APBB2: variants seen among roughly 807,000 people sequenced by gnomAD.
APBB2 encodes the protein amyloid beta precursor protein binding family B member 2.
APBB2 carries 38 observed loss-of-function variants against 82.5 expected under a neutral mutation model. The ratio of observed to expected loss-of-function variants is 0.46; its 90% CI spans 0.36 to 0.60. The LOEUF is 0.60. Among genes scored for constraint, APBB2 ranks in the 20% least tolerant of loss-of-function variants. The probability of loss-of-function intolerance (pLI) is 0.00; values close to 1 mark genes in which losing one functional copy is unlikely to be tolerated. For synonymous variants in APBB2, 341 were observed against 368.2 expected (o/e 0.93, Z 0.85); for missense variants, 772 against 972.3 (o/e 0.79, Z 2.74).
At chr4:41,092,049 A>G (rs562959941) in intron 3 of APBB2, among the ~76,000 whole-genome samples, 1 of 152,216 alleles carries the variant, frequency 6.6e-6, no homozygotes, top group Non-Finnish European at 1.5e-5. Flanking sequence ...ATTCTCTTCT[A>G]TGGTCCAGAT....
chr4:41,139,833 A>G (rs1758593316), intron 2 of APBB2, among the ~76,000 whole-genome samples: 1 of 152,234 alleles, frequency 6.6e-6, no homozygotes, highest in Non-Finnish European at 1.5e-5. Flanking sequence ...TGTAATGGAA[A>G]TACAACTTAT....
chr4:40,982,289 G>A (rs867233211), intron 6 of APBB2, among the ~76,000 whole-genome samples: 382 of 27,438 alleles, frequency 0.014, 44 homozygotes, highest in African/African-American at 0.06. Context: ...AAAGAAGGAA[G>A]GAAGGAAGGA....
Position 40,982,448 on chromosome 4 carries a change from AGAAAGAAT to A in APBB2, c.835+31127_835+31134del, listed in dbSNP as rs746598557. On this transcript the variant is annotated intron_variant, in intron 6 of 17. Coordinates refer to ENST00000508593, the MANE Select transcript of APBB2 (RefSeq NM_004307.2). ...AAGAAAGAAAGAAAGAAAGAAAGAAAGAAAGAATGAATGAATTTGAGACCAGAGACCAG... is the reference window on the plus strand; with the variant it reads ...AAGAAAGAAAGAAAGAAAGAAAGAAAGAATGAATTTGAGACCAGAGACCAG... Among the ~76,000 whole-genome samples the A allele has an allele frequency of 2.7e-3, 351 of 131,196 alleles. 65 individuals carry two copies. In the Middle Eastern group the frequency reaches 0.033, roughly 12 times the overall value. 86.1% of individuals were successfully genotyped at this position (131,196 alleles called of 152,430 possible). A position where few individuals can be genotyped will look rare whatever the true frequency, so the allele number is the denominator to read the frequency against.
At chr4:40,923,854 A>G (rs1781947781) in intron 10 of APBB2, among the ~76,000 whole-genome samples, 1 of 152,276 alleles carries the variant, frequency 6.6e-6, no homozygotes, top group African/African-American at 2.4e-5. Context: ...TGTAGTGACC[A>G]GAAGTTAATA....
At chr4:41,076,575 A>G (rs753199338) in intron 3 of APBB2, among the ~76,000 whole-genome samples, 4 of 152,220 alleles carry the variant, frequency 2.6e-5, no homozygotes, top group African/African-American at 9.6e-5. Flanking sequence ...AACCTGCCCA[A>G]GAAAAGAGAT....
chr4:41,005,288 C>A (rs1163342123), intron 6 of APBB2, among the ~76,000 whole-genome samples: 1 of 152,172 alleles, frequency 6.6e-6, no homozygotes, highest in African/African-American at 2.4e-5. Context: ...CAGGGTTTCA[C>A]CATGTTGGCC....
intron 10 of APBB2, among the ~76,000 whole-genome samples, chr4:40,922,974 T>A (rs1028193355): frequency 1.7e-5 from 2 of 115,168 alleles, no homozygotes; most frequent in African/African-American, 6.5e-5. Context: ...TCCATCAATT[T>A]TTTTCTTTTT....
chr4:41,169,809 T>C (rs1767747470), intron 1 of APBB2, among the ~76,000 whole-genome samples: 1 of 151,528 alleles, frequency 6.6e-6, no homozygotes, highest in South Asian at 2.1e-4. Flanking sequence ...AGAGTAAAGA[T>C]CCAAAAACGA....
chr4:41,049,561 C>T (rs868815324), intron 4 of APBB2, among the ~76,000 whole-genome samples: 2 of 151,302 alleles, frequency 1.3e-5, no homozygotes, highest in Admixed American at 6.6e-5. Context: ...AGGTGGGGGG[C>T]GCCTCTGCCC....
chr4:41,045,812 T>C (rs1423602513), intron 4 of APBB2, among the ~76,000 whole-genome samples: 1 of 152,246 alleles, frequency 6.6e-6, no homozygotes, highest in Non-Finnish European at 1.5e-5. Flanking sequence ...TTCATTAGCA[T>C]ATTCCTAGTG....
intron 12 of APBB2, among the ~76,000 whole-genome samples, chr4:40,862,541 C>A (rs1310100679): frequency 4.6e-5 from 7 of 152,182 alleles, no homozygotes; most frequent in African/African-American, 1.7e-4. Context: ...CTATAACGTG[C>A]ATCATAACAG....
At chr4:40,900,025 A>G (rs1774822439) in intron 10 of APBB2, among the ~76,000 whole-genome samples, 1 of 152,232 alleles carries the variant, frequency 6.6e-6, no homozygotes, top group Non-Finnish European at 1.5e-5. Flanking sequence ...GTGACTGTTG[A>G]GAGACAGTGA....
chr4:41,188,986 CTT>C (rs1773689515), intron 1 of APBB2, among the ~76,000 whole-genome samples: 1 of 152,158 alleles, frequency 6.6e-6, no homozygotes, highest in African/African-American at 2.4e-5. Flanking sequence ...ATTTGGAAGA[CTT>C]TATTAAACAA....
At chr4:41,028,076 T>C (rs1000098468) in intron 5 of APBB2, among the ~76,000 whole-genome samples, 4 of 152,254 alleles carry the variant, frequency 2.6e-5, no homozygotes, top group African/African-American at 7.2e-5. Flanking sequence ...GTTTCCTCCT[T>C]TTCTGTTAAA....
rs62410023 is a variant in APBB2 at position 41,186,991 on chromosome 4, C to T, written c.-417+27414G>A. ...GAACTTAATTTTATCACTAAAATTC[C>T]TAGCTTCTGCACACATATAGGAATC... On this transcript the variant is annotated intron_variant, in intron 1 of 17. Transcript: ENST00000508593. Among the ~76,000 whole-genome samples, 1,024 of 152,268 alleles carry T rather than the reference C, an allele frequency of 6.7e-3. 10 individuals carry two copies. Among genetic ancestry groups the T allele is most frequent in the Non-Finnish European group, 0.012 (814 of 68,016 alleles).
chr4:40,970,851 C>T (rs898057532), intron 6 of APBB2, among the ~76,000 whole-genome samples: 1 of 152,142 alleles, frequency 6.6e-6, no homozygotes, highest in Non-Finnish European at 1.5e-5. Flanking sequence ...CAAACCATCA[C>T]CTTAAGTCCA....
At chr4:40,864,154 T>A (rs187499223) in intron 12 of APBB2, among the ~76,000 whole-genome samples, 55 of 152,152 alleles carry the variant, frequency 3.6e-4, no homozygotes, top group African/African-American at 1.3e-3. Flanking sequence ...CTTGGGAGGC[T>A]GAGGCAGGAG....
At chr4:40,977,504 A>G (rs1797474826) in intron 6 of APBB2, among the ~76,000 whole-genome samples, 1 of 152,002 alleles carries the variant, frequency 6.6e-6, no homozygotes. Context: ...GTAAAGACAG[A>G]GTTTCGCCAT....
intron 4 of APBB2, among the ~76,000 whole-genome samples, chr4:41,060,110 A>T (rs1249038000): frequency 6.6e-6 from 1 of 152,232 alleles, no homozygotes; most frequent in African/African-American, 2.4e-5. Flanking sequence ...ACTCCCACAT[A>T]AAACAACCTC....
Sources: gnomAD v4.1 joint callset for allele counts (sites outside exome capture counted in the v4.1 genomes callset) on GRCh38, gnomAD v4.1.1 for gene constraint, MANE v1.5 for transcripts, NCBI Gene and HGNC (gene_info 2026-07-23, HGNC 2026-07-21) for gene names.